ADGRL3: variants seen among roughly 807,000 people sequenced by gnomAD.
ADGRL3 encodes the protein calcium-independent alpha-latrotoxin receptor 3.
A neutral mutation model predicts 153.5 loss-of-function variants in ADGRL3; 62 were observed. The observed-to-expected ratio is 0.40, with a 90% CI of 0.33 to 0.50. ADGRL3 has a LOEUF of 0.50. ADGRL3 is among the 20% of genes least tolerant of loss of function. The pLI is 0.47. For synonymous variants in ADGRL3, 710 were observed against 672.5 expected, an observed-to-expected ratio of 1.06 and a Z score of -0.86; for missense variants, 1,641 against 1,859.4, an observed-to-expected ratio of 0.88 and a Z score of 2.16.
chr4:61,693,160 G>T (rs1375308694), intron 6 of ADGRL3, among the ~76,000 whole-genome samples: 1 of 151,696 alleles, frequency 6.6e-6, no homozygotes, highest in African/African-American at 2.4e-5. Flanking sequence ...TTTGTGAAAA[G>T]AAAAGTAATA....
In ADGRL3 at chr4:61,617,416, T is replaced by C. The variant is rs192053737; in HGVS notation, c.473+29976T>C. ...CCTTTTTTGCACATTTCCTTAAGCA[T>C]GGTAAAGTAAAAAAAACTTGCTTAC... On this transcript the variant is annotated intron_variant, in intron 5 of 26. Coordinates refer to ENST00000683033, the MANE Select transcript of ADGRL3 (RefSeq NM_001387552.1). 7.5e-4 allele frequency among the ~76,000 whole-genome samples: 114 copies of C among 152,216 alleles called. 1 individual carries two copies. The highest frequency in any genetic ancestry group is 3.5e-4 in the Non-Finnish European group (24 of 68,012).
At chr4:61,864,585 A>G (rs2098382262) in intron 9 of ADGRL3, among the ~76,000 whole-genome samples, 1 of 152,190 alleles carries the variant, frequency 6.6e-6, no homozygotes, top group African/African-American at 2.4e-5. Context: ...ACATGCAGAA[A>G]CTATAGTAAT....
chr4:61,726,210 G>GTTTTTTTTTTTGTTTTGTTTTTT, intron 6 of ADGRL3, among the ~76,000 whole-genome samples: 1 of 118,480 alleles, frequency 8.4e-6, no homozygotes, highest in Non-Finnish European at 1.7e-5. Context: ...TTTTTTTTTT[G>GTTTTTTTTTTTGTTTTGTTTTTT]TTTTTTGAGA....
At chr4:61,291,556 C>T (rs2094198306) in intron 1 of ADGRL3, among the ~76,000 whole-genome samples, 1 of 65,944 alleles carries the variant, frequency 1.5e-5, no homozygotes, top group Non-Finnish European at 3.3e-5. Flanking sequence ...GAAGGGAAGA[C>T]TATATATATA....
At chr4:61,990,613 C>T (rs758884982) in intron 19 of ADGRL3, among the ~76,000 whole-genome samples, 2 of 151,778 alleles carry the variant, frequency 1.3e-5, no homozygotes, top group Non-Finnish European at 2.9e-5. Flanking sequence ...TCACTAACAT[C>T]GAGATGACCT....
chr4:61,757,102 C>T (rs1241564443), intron 8 of ADGRL3, among the ~76,000 whole-genome samples: 2 of 152,002 alleles, frequency 1.3e-5, no homozygotes, highest in Non-Finnish European at 2.9e-5. Flanking sequence ...GTGTCTCTGC[C>T]CGGCTTTTGG....
intron 25 of ADGRL3, among the ~76,000 whole-genome samples, chr4:62,052,165 G>T (rs28579094): frequency 0.028 from 4,224 of 151,518 alleles, 208 homozygotes; most frequent in African/African-American, 0.098. Context: ...ACATCTAGAT[G>T]CCAAACAAGG....
chr4:61,485,637 T>C (rs2098182565), intron 2 of ADGRL3, among the ~76,000 whole-genome samples: 1 of 152,174 alleles, frequency 6.6e-6, no homozygotes, highest in Admixed American at 6.5e-5. Context: ...TCTTGGAAAG[T>C]GTTCAAAGAA....
chr4:61,896,717 C>G (rs2098633733), intron 11 of ADGRL3, among the ~76,000 whole-genome samples: 1 of 152,126 alleles, frequency 6.6e-6, no homozygotes. Context: ...TATATTGACT[C>G]TAGTTACCCT....
chr4:61,368,436 T>C (rs1329721376), intron 1 of ADGRL3, among the ~76,000 whole-genome samples: 1 of 152,182 alleles, frequency 6.6e-6, no homozygotes, highest in Non-Finnish European at 1.5e-5. Flanking sequence ...AGTTTCAGCT[T>C]TTCTACATAT....
intron 4 of ADGRL3, among the ~76,000 whole-genome samples, chr4:61,577,576 A>G (rs1366224202): frequency 6.6e-6 from 1 of 151,878 alleles, no homozygotes; most frequent in Non-Finnish European, 1.5e-5. Context: ...TTTGGGAGGC[A>G]GAGGTGGGAA....
chr4:61,644,631 T>G (rs1202842812), intron 5 of ADGRL3, among the ~76,000 whole-genome samples: 2 of 152,238 alleles, frequency 1.3e-5, no homozygotes, highest in Non-Finnish European at 2.9e-5. Context: ...TGTAGTTTGA[T>G]TGCACTGTGG....
At position 61,321,820 on chromosome 4, in the gene ADGRL3, C is replaced by G. The variant is rs186768803; in HGVS notation, c.-239-61304C>G. On this transcript the variant is annotated intron_variant, in intron 1 of 26. Coordinates refer to ENST00000683033, the MANE Select transcript of ADGRL3 (RefSeq NM_001387552.1). ...GAAATGTTGTTATATGGTGCATTGA[C>G]TGTATTTTAATCACAGATTTCAATT... Among the ~76,000 whole-genome samples, 35 of 152,124 alleles carry G rather than the reference C, an allele frequency of 2.3e-4. No individual in the cohort carries two copies. In the East Asian group the frequency reaches 6.4e-3, roughly 28 times the overall value.
At chr4:61,830,860 C>T (rs879337292) in intron 9 of ADGRL3, among the ~76,000 whole-genome samples, 7 of 152,068 alleles carry the variant, frequency 4.6e-5, no homozygotes, top group Admixed American at 6.6e-5. Flanking sequence ...AGCTTTATTC[C>T]TCCTAGTTCT....
chr4:61,241,333 G>T (rs1403010131), intron 1 of ADGRL3, among the ~76,000 whole-genome samples: 1 of 151,920 alleles, frequency 6.6e-6, no homozygotes, highest in African/African-American at 2.4e-5. Flanking sequence ...AGGATATGTG[G>T]TTCAATATAA....
At chr4:61,413,841 G>C (rs1034334281) in intron 2 of ADGRL3, among the ~76,000 whole-genome samples, 1 of 152,196 alleles carries the variant, frequency 6.6e-6, no homozygotes, top group African/African-American at 2.4e-5. Context: ...TGTTCCATGA[G>C]TCTGAGGCAT....
intron 6 of ADGRL3, among the ~76,000 whole-genome samples, chr4:61,716,869 C>G (rs1282112749): frequency 1.3e-5 from 2 of 152,106 alleles, no homozygotes; most frequent in African/African-American, 4.8e-5. Context: ...TTTATACTGT[C>G]TTTCCTTTTA....
At chr4:61,688,932 A>G (rs1339354452) in intron 6 of ADGRL3, among the ~76,000 whole-genome samples, 1 of 152,134 alleles carries the variant, frequency 6.6e-6, no homozygotes, top group Non-Finnish European at 1.5e-5. Flanking sequence ...GCTAAAATAC[A>G]TCAGACAAAT....
At chr4:61,709,816 C>T (rs2095933104) in intron 6 of ADGRL3, among the ~76,000 whole-genome samples, 1 of 152,050 alleles carries the variant, frequency 6.6e-6, no homozygotes, top group Non-Finnish European at 1.5e-5. Flanking sequence ...ACAATCAAAT[C>T]CTGGTGTATC....
Sources: gnomAD v4.1 joint callset for allele counts (sites outside exome capture counted in the v4.1 genomes callset) on GRCh38, gnomAD v4.1.1 for gene constraint, MANE v1.5 for transcripts, NCBI Gene and HGNC (gene_info 2026-07-23, HGNC 2026-07-21) for gene names.